SPG7: variants seen among roughly 807,000 people sequenced by gnomAD.
SPG7 encodes mitochondrial inner membrane m-AAA protease component paraplegin.
Under a neutral mutation model 81.9 loss-of-function variants are expected in SPG7, and 103 were observed. The ratio of observed to expected loss-of-function variants is 1.26; its 90% CI spans 1.07 to 1.48. The LOEUF (loss-of-function observed/expected upper bound fraction) is 1.48, where lower values mean the gene tolerates loss of function less well. Among genes scored for constraint, SPG7 ranks in the 40% most tolerant of loss-of-function variants. SPG7 has a pLI of 0.00. For synonymous variants in SPG7, 534 were observed against 444.2 expected (o/e 1.20, Z -2.54); for missense variants, 1,241 against 1,087.3 (o/e 1.14, Z -1.99).
At chr16:89,509,939 C>A (rs1227003282) in intron 1 of SPG7, among the ~76,000 whole-genome samples, 2 of 151,790 alleles carry the variant, frequency 1.3e-5, no homozygotes, top group Non-Finnish European at 2.9e-5. Flanking sequence ...CAGACATGAG[C>A]CACCGTGCCT....
chr16:89,543,077 A>G (rs1256851016), intron 9 of SPG7: 2 of 150,202 alleles, frequency 1.3e-5, no homozygotes, highest in African/African-American at 2.5e-5. Context: ...CCTCCGGAGT[A>G]GCTGGGACTA....
intron 6 of SPG7, chr16:89,529,886 C>T: frequency 2.5e-6 from 1 of 400,156 alleles, no homozygotes; most frequent in Non-Finnish European, 4.8e-6. Flanking sequence ...CTTGCCCAGG[C>T]TGGAGTGCAG....
At position 89,532,654 on chromosome 16, in the gene SPG7, C is replaced by G. The variant is rs372803371; in HGVS notation, c.1324+18C>G. 6.2e-7 allele frequency: 1 copy of G among 1,612,650 alleles called. No individual in the cohort carries two copies. The highest frequency in any genetic ancestry group is 1.3e-5 in the African/African-American group (1 of 74,888). On this transcript the variant is annotated intron_variant, in intron 9 of 16. Coordinates refer to ENST00000645818, the MANE Select transcript of SPG7 (RefSeq NM_003119.4). ...AATGGATGGTCAGTGCTCGTGCGCC[C>G]CGCACCCCCATTGCACCATCAGAGG... is the stretch of plus-strand genomic sequence containing the variant.
chr16:89,551,291 G>A (rs2058632021), intron 13 of SPG7: 1 of 165,876 alleles, frequency 6.0e-6, no homozygotes, highest in Non-Finnish European at 1.3e-5. Flanking sequence ...GCAGTGCTGT[G>A]TTCCTACCTC....
chr16:89,550,414 C>A, intron 12 of SPG7, 80 bp from the exon 13 acceptor site: 1 of 955,452 alleles, frequency 1.0e-6, no homozygotes, highest in Non-Finnish European at 1.7e-6. Flanking sequence ...CTCAGGTCAT[C>A]CGCCCGCCTT....
chr16:89,554,343 C>T (rs1186536198), intron 15 of SPG7, 143 bp from the exon 16 acceptor site: 5 of 707,216 alleles, frequency 7.1e-6, no homozygotes, highest in Non-Finnish European at 1.3e-5. Context: ...GTCACAGGGG[C>T]AGGAGACCAC....
chr16:89,508,841 C>A, intron 1 of SPG7: 1 of 676,362 alleles, frequency 1.5e-6, no homozygotes, highest in South Asian at 1.5e-5. Flanking sequence ...CGTGGACTTT[C>A]CCAACCCGTC....
At chr16:89,536,974 C>G in intron 9 of SPG7, 1 of 1,613,964 alleles carries the variant, frequency 6.2e-7, no homozygotes, top group South Asian at 1.1e-5. Flanking sequence ...ACGATCTTCT[C>G]CACATAACCT....
At chr16:89,530,252 C>G (rs1361517597) in intron 6 of SPG7, 2 of 329,498 alleles carry the variant, frequency 6.1e-6, no homozygotes, top group Non-Finnish European at 5.9e-6. Context: ...TCAAGCGATT[C>G]TCCTGCTTCA....
intron 3 of SPG7, chr16:89,518,457 C>A (rs893797399): frequency 6.6e-6 from 1 of 151,900 alleles, no homozygotes; most frequent in East Asian, 1.9e-4. Flanking sequence ...TCACTGATAA[C>A]GCGGGTGAAC....
chr16:89,553,907 A>T lies in SPG7; in HGVS notation c.2050A>T (p.Met684Leu), dbSNP rs373577226. Reference protein sequence around the residue: ...ISFPEAQEGLMGIGRRPFSQG... With the variant: ...ISFPEAQEGLLGIGRRPFSQG... ...CTTCCCTGAGGCGCAGGAGGGCCTC[A>T]TGGGCATCGGGCGGCGCCCCTTCAG... The change falls in exon 15 of 17, where the codon ATG becomes TTG. Residue 684 changes from methionine to leucine, a missense_variant. Coordinates refer to ENST00000645818, the MANE Select transcript of SPG7 (RefSeq NM_003119.4). 24 of 1,612,920 alleles carry T rather than the reference A, an allele frequency of 1.5e-5. 1 individual carries two copies. The South Asian group carries it at 2.6e-4, about 18-fold the overall frequency.
chr16:89,526,510 T>C, intron 5 of SPG7, 42 bp downstream of exon 5: 3 of 1,612,906 alleles, frequency 1.9e-6, no homozygotes, highest in Non-Finnish European at 2.5e-6. Context: ...TAAACCTAAC[T>C]TGGCTTTGTA....
intron 9 of SPG7, among the ~76,000 whole-genome samples, chr16:89,534,850 C>T (rs1462067411): frequency 6.6e-6 from 1 of 152,038 alleles, no homozygotes; most frequent in African/African-American, 2.4e-5. Context: ...GGTGCTTCCG[C>T]CCCCCCGATG....
chr16:89,553,991 C>G (rs1242941777), intron 15 of SPG7, 31 bp downstream of exon 15: 1 of 1,606,544 alleles, frequency 6.2e-7, no homozygotes, highest in Admixed American at 1.7e-5. Context: ...CCGCTGCCCT[C>G]TGTGCTCCCC....
chr16:89,544,957 A>C lies in SPG7; in HGVS notation c.1449+185A>C, dbSNP rs376355050. 36 of 696,650 alleles carry C rather than the reference A, an allele frequency of 5.2e-5. 1 individual carries two copies. Among genetic ancestry groups the C allele is most frequent in the South Asian group, 4.6e-4 (28 of 61,456 alleles). 43.2% of individuals were successfully genotyped at this position (696,650 alleles called of 1,614,324 possible). ...CCCAGCAGACCTGCCCACCGGCTGC[A>C]CTCACTGCTGTGGCCCCCACATTGG... is the stretch of plus-strand genomic sequence containing the variant. On this transcript the variant is annotated intron_variant, in intron 10 of 16. Coordinates refer to ENST00000645818, the MANE Select transcript of SPG7 (RefSeq NM_003119.4).
Position 89,554,538 on chromosome 16 carries a change from A to G in SPG7, c.2156A>G (p.Gln719Arg). 6.2e-7 allele frequency: 1 copy of G among 1,609,786 alleles called. No homozygotes were observed. The highest frequency in any genetic ancestry group is 8.5e-7 in the Non-Finnish European group (1 of 1,179,858). ...KAYRHTEKVL[Q>R]DNLDKLQALA... The stretch of plus-strand genomic sequence containing the variant: ...TACAGACACACCGAGAAGGTGCTGC[A>G]GGACAACCTGGACAAGTTGCAGGCG... The change falls in exon 16 of 17, where the codon CAG (glutamine) becomes CGG (arginine). Residue 719 changes from glutamine to arginine, a missense_variant. Physicochemically the swap from Gln to Arg is conservative, Grantham distance 43. Transcript: ENST00000645818.
rs1405047156 is a variant in SPG7 at position 89,524,166 on chromosome 16, G to T, written c.537G>T (p.Glu179Asp). 1 of 1,614,126 alleles carries T rather than the reference G, an allele frequency of 6.2e-7. No individual in the cohort carries two copies. Among genetic ancestry groups the T allele is most frequent in the South Asian group, 1.1e-5 (1 of 91,082 alleles). The part of the protein sequence containing the change: ...DFVHEMLAKG[E>D]VQRVQVVPES... ...TCCACGAGATGCTGGCCAAGGGCGAGGTGCAGCGCGTCCAGGTGGTGCCTG... is the reference window on the plus strand; with the variant it reads ...TCCACGAGATGCTGGCCAAGGGCGATGTGCAGCGCGTCCAGGTGGTGCCTG... The change falls in exon 4 of 17, where the codon GAG (glutamate) becomes GAT (aspartate). Residue 179 changes from glutamate (E) to aspartate (D), a missense_variant. Coordinates refer to ENST00000645818, the MANE Select transcript of SPG7 (RefSeq NM_003119.4).
At chr16:89,528,370 T>C (rs1276948352) in intron 5 of SPG7, among the ~76,000 whole-genome samples, 1 of 140,002 alleles carries the variant, frequency 7.1e-6, no homozygotes, top group Admixed American at 7.6e-5. Flanking sequence ...CTGGCCTGGG[T>C]GACAGAGCCA....
chr16:89,550,245 C>T, intron 12 of SPG7: 1 of 445,232 alleles, frequency 2.2e-6, no homozygotes, highest in South Asian at 2.0e-5. Context: ...TGATCTTGCC[C>T]TACTGTAACC....
Sources: allele counts gnomAD v4.1 joint callset (sites outside exome capture counted in the v4.1 genomes callset), GRCh38; gene constraint gnomAD v4.1.1; transcripts MANE v1.5; gene names NCBI Gene and HGNC (gene_info 2026-07-23, HGNC 2026-07-21).